MTHFD1L: variants seen among roughly 807,000 people sequenced by gnomAD.
MTHFD1L encodes the protein monofunctional C1-tetrahydrofolate synthase, mitochondrial.
In MTHFD1L, 81 loss-of-function variants were observed where a neutral mutation model predicts 119.5. That is an observed-to-expected ratio of 0.68 (90% CI 0.57 to 0.82). The LOEUF is 0.82. Among genes scored for constraint, MTHFD1L ranks in the 40% least tolerant of loss-of-function variants. The pLI, the probability that MTHFD1L is intolerant of heterozygous loss-of-function variation, is 0.00. For synonymous variants in MTHFD1L, 430 were observed against 475.2 expected (o/e 0.90, Z 1.24); for missense variants, 1,125 against 1,253.4 (o/e 0.90, Z 1.55).
chr6:150,897,233 A>G (rs943409014), intron 7 of MTHFD1L, among the ~76,000 whole-genome samples: 1 of 152,204 alleles, frequency 6.6e-6, no homozygotes, highest in Non-Finnish European at 1.5e-5. Flanking sequence ...CGTTATATCA[A>G]ATATGTGAGT....
At chr6:150,902,332 T>A (rs1467386007) in intron 7 of MTHFD1L, among the ~76,000 whole-genome samples, 3 of 152,182 alleles carry the variant, frequency 2.0e-5, no homozygotes, top group Non-Finnish European at 4.4e-5. Flanking sequence ...GTCTTACTGT[T>A]GTTTAAAATT....
At chr6:150,905,828 T>C in intron 8 of MTHFD1L, 67 bp downstream of exon 8, 1 of 1,238,390 alleles carries the variant, frequency 8.1e-7, no homozygotes, top group Non-Finnish European at 1.2e-6. Context: ...TGTTAACCTT[T>C]TCCTAAGAGG....
chr6:150,931,197 A>G (rs993175864), intron 11 of MTHFD1L, among the ~76,000 whole-genome samples: 2 of 151,990 alleles, frequency 1.3e-5, no homozygotes, highest in African/African-American at 4.8e-5. Context: ...CTAAAAAAGC[A>G]GCCCAAACTG....
At chr6:150,929,867 T>C (rs1650413790) in intron 11 of MTHFD1L, among the ~76,000 whole-genome samples, 1 of 152,124 alleles carries the variant, frequency 6.6e-6, no homozygotes, top group Non-Finnish European at 1.5e-5. Flanking sequence ...CCTGTCTCTT[T>C]TTTAACTGTA....
intron 19 of MTHFD1L, among the ~76,000 whole-genome samples, chr6:150,965,633 C>T (rs2129008680): frequency 6.6e-6 from 1 of 150,998 alleles, no homozygotes; most frequent in Admixed American, 6.6e-5. Flanking sequence ...CGCACTCCAG[C>T]CTGGGCGACA....
At chr6:150,945,624 C>T in intron 15 of MTHFD1L, 83 bp downstream of exon 15, 1 of 1,397,274 alleles carries the variant, frequency 7.2e-7, no homozygotes, top group East Asian at 2.3e-5. Context: ...AAATTTTCAA[C>T]TTGGTTTGAT....
intron 16 of MTHFD1L, among the ~76,000 whole-genome samples, chr6:150,955,168 A>G (rs1038922888): frequency 1.3e-5 from 2 of 152,280 alleles, no homozygotes; most frequent in African/African-American, 4.8e-5. Flanking sequence ...CTCCTTATCC[A>G]TTAAATAATT....
intron 26 of MTHFD1L, among the ~76,000 whole-genome samples, chr6:151,076,887 C>T (rs981234328): frequency 6.6e-6 from 1 of 152,104 alleles, no homozygotes; most frequent in South Asian, 2.1e-4. Context: ...CATGAATGTT[C>T]GTAGCAGCTT....
At chr6:150,901,961 T>C (rs941828173) in intron 7 of MTHFD1L, among the ~76,000 whole-genome samples, 2 of 151,940 alleles carry the variant, frequency 1.3e-5, no homozygotes, top group African/African-American at 4.8e-5. Context: ...CTTTAGAAAA[T>C]ATCTTTTTTT....
chr6:150,984,687 T>C (rs1015360164), intron 20 of MTHFD1L, among the ~76,000 whole-genome samples: 1 of 152,114 alleles, frequency 6.6e-6, no homozygotes, highest in African/African-American at 2.4e-5. Flanking sequence ...TCTGTATAAG[T>C]AAAATATTTC....
At chr6:151,043,346 C>A (rs183956626) in intron 26 of MTHFD1L, among the ~76,000 whole-genome samples, 507 of 135,274 alleles carry the variant, frequency 3.7e-3, no homozygotes, top group Non-Finnish European at 6.2e-3. Flanking sequence ...CTCACTGCAA[C>A]CTCCGCCTTC....
intron 7 of MTHFD1L, among the ~76,000 whole-genome samples, chr6:150,895,122 C>T (rs902130092): frequency 2.6e-5 from 4 of 152,340 alleles, no homozygotes; most frequent in East Asian, 1.9e-4. Flanking sequence ...TCCACCCAAA[C>T]GCAGGCCCCC....
In MTHFD1L at chr6:150,924,342, T is replaced by G. The variant is rs544219163; in HGVS notation, c.1083-1780T>G. ...TTCAAGCGAGGACATCTGGCTAATT[T>G]TTGTATTTTTAGTAGAGACAGGGTT... On this transcript the variant is annotated intron_variant, in intron 10 of 27. Coordinates refer to ENST00000367321, the MANE Select transcript of MTHFD1L (RefSeq NM_015440.5). Among the ~76,000 whole-genome samples the G allele has an allele frequency of 1.2e-3, 187 of 152,096 alleles. 1 individual carries two copies. The highest frequency in any genetic ancestry group is 4.4e-3 in the African/African-American group (182 of 41,476).
chr6:151,031,040 T>A (rs1168040213), intron 24 of MTHFD1L, among the ~76,000 whole-genome samples: 6 of 152,070 alleles, frequency 3.9e-5, no homozygotes, highest in Non-Finnish European at 1.5e-5. Flanking sequence ...TTAAAAAAAG[T>A]TACCCTTAAA....
In MTHFD1L at chr6:150,877,865, C is replaced by G. The variant is rs754014504; in HGVS notation, c.417+39C>G. The stretch of plus-strand genomic sequence containing the variant: ...AGCTCTAAACTCTTGCTTCTTCTTT[C>G]CTCTTGAGACTTAATAGGCCCATTG... On this transcript the variant is annotated intron_variant, in intron 4 of 27. Transcript: ENST00000367321. The G allele has an allele frequency of 4.3e-6, 7 of 1,611,512 alleles. No individual in the cohort carries two copies. The East Asian group carries it at 1.6e-4, about 36-fold the overall frequency.
intron 18 of MTHFD1L, 56 bp downstream of exon 18, chr6:150,960,471 C>A: frequency 6.5e-7 from 1 of 1,529,444 alleles, no homozygotes; most frequent in Non-Finnish European, 8.8e-7. Context: ...TTCTTCGTTA[C>A]CAGAAAAAGA....
chr6:150,882,206 G>C (rs1470021833), intron 4 of MTHFD1L, among the ~76,000 whole-genome samples: 1 of 152,156 alleles, frequency 6.6e-6, no homozygotes, highest in Admixed American at 6.5e-5. Flanking sequence ...AATTTTTCTA[G>C]CATAAGCCTT....
intron 8 of MTHFD1L, among the ~76,000 whole-genome samples, chr6:150,909,684 G>A (rs1786533870): frequency 6.6e-6 from 1 of 152,176 alleles, no homozygotes; most frequent in South Asian, 2.1e-4. Flanking sequence ...ATGGGACCAA[G>A]GAGAAGCTGG....
intron 8 of MTHFD1L, 126 bp from the exon 9 acceptor site, chr6:150,918,451 C>T: frequency 2.8e-6 from 2 of 717,382 alleles, no homozygotes. Flanking sequence ...GCAGCCGTGC[C>T]CCGACATCCT....
Sources: gnomAD v4.1 joint callset for allele counts (sites outside exome capture counted in the v4.1 genomes callset) on GRCh38, gnomAD v4.1.1 for gene constraint, MANE v1.5 for transcripts, NCBI Gene and HGNC (gene_info 2026-07-23, HGNC 2026-07-21) for gene names.